HMGXB4: variants seen among roughly 807,000 people sequenced by gnomAD.
HMGXB4 encodes the protein HMG domain-containing protein 4.
A neutral mutation model predicts 63.9 loss-of-function variants in HMGXB4; 27 were observed. The ratio of observed to expected loss-of-function variants is 0.42; its 90% CI spans 0.31 to 0.58. The LOEUF (loss-of-function observed/expected upper bound fraction) is 0.58. HMGXB4 is among the 20% of genes least tolerant of loss of function. The probability of loss-of-function intolerance (pLI) is 0.13; values close to 1 mark genes in which losing one functional copy is unlikely to be tolerated. For missense variants in HMGXB4, 624 were observed against 700.7 expected (o/e 0.89, Z 1.24); for synonymous variants, 264 against 265.3 (o/e 0.99, Z 0.05).
At chr22:35,290,613 G>T (rs868509921) in intron 9 of HMGXB4, among the ~76,000 whole-genome samples, 2 of 142,704 alleles carry the variant, frequency 1.4e-5, no homozygotes, top group Admixed American at 7.0e-5. Context: ...CCTGGGCGAC[G>T]GAGCGAGACT....
chr22:35,267,095 T>A (rs1923297822), intron 5 of HMGXB4, among the ~76,000 whole-genome samples: 1 of 48,878 alleles, frequency 2.0e-5, no homozygotes, highest in African/African-American at 3.2e-5. Context: ...CTTATATCTA[T>A]CTGTTTATAT....
chr22:35,273,410 A>G (rs958315339), intron 5 of HMGXB4, among the ~76,000 whole-genome samples: 1 of 152,272 alleles, frequency 6.6e-6, no homozygotes, highest in South Asian at 2.1e-4. Context: ...GCCACTTACT[A>G]GGTCTGTTCT....
chr22:35,293,155 G>T (rs374592939), intron 10 of HMGXB4, 41 bp downstream of exon 10: 3 of 1,611,104 alleles, frequency 1.9e-6, no homozygotes, highest in East Asian at 2.2e-5. Flanking sequence ...TCCATTGGGC[G>T]TCAGAGATGC....
intron 1 of HMGXB4, among the ~76,000 whole-genome samples, chr22:35,257,907 A>T (rs1449602723): frequency 6.6e-6 from 1 of 151,918 alleles, no homozygotes; most frequent in African/African-American, 2.4e-5. Flanking sequence ...GGGCGCCGTG[A>T]GGCCGCCGGA....
intron 5 of HMGXB4, among the ~76,000 whole-genome samples, chr22:35,274,250 A>G (rs1923769904): frequency 6.6e-6 from 1 of 152,208 alleles, no homozygotes; most frequent in Admixed American, 6.5e-5. Context: ...TCAGGTGGAA[A>G]ATAGGAGTAG....
At chr22:35,283,917 G>A (rs780049376) in intron 5 of HMGXB4, 45 bp from the exon 6 acceptor site, 7 of 1,428,428 alleles carry the variant, frequency 4.9e-6, no homozygotes, top group Non-Finnish European at 6.9e-6. Flanking sequence ...CTAAACCTGG[G>A]TTCTAATCAA....
chr22:35,265,789 C>CT (rs769959544), intron 5 of HMGXB4, among the ~76,000 whole-genome samples, 186 bp downstream of exon 5: 4,572 of 140,028 alleles, frequency 0.033, 204 homozygotes, highest in African/African-American at 0.098. Flanking sequence ...TAGAAGCAAT[C>CT]TTTTTTTTTT....
the HMGXB4 span, among the ~76,000 whole-genome samples, chr22:35,247,176 G>A: frequency 6.6e-6 from 1 of 152,094 alleles, no homozygotes; most frequent in South Asian, 2.1e-4. Context: ...AGACTGTCTT[G>A]AGCTTTGTTC....
At chr22:35,276,659 T>C (rs973792952) in intron 5 of HMGXB4, among the ~76,000 whole-genome samples, 1 of 152,120 alleles carries the variant, frequency 6.6e-6, no homozygotes, top group South Asian at 2.1e-4. Context: ...AAAGGAGGAT[T>C]TGAAAGAGAG....
chr22:35,270,508 C>G (rs556162154), intron 5 of HMGXB4, among the ~76,000 whole-genome samples: 1 of 152,328 alleles, frequency 6.6e-6, no homozygotes, highest in South Asian at 2.1e-4. Flanking sequence ...TGCCCCTACC[C>G]CTGCCCCAGG....
chr22:35,268,982 T>G (rs1434110581), intron 5 of HMGXB4, among the ~76,000 whole-genome samples: 2 of 152,232 alleles, frequency 1.3e-5, no homozygotes, highest in African/African-American at 4.8e-5. Flanking sequence ...CCATATTACC[T>G]TGCTGTCTTA....
chr22:35,276,213 G>A lies in HMGXB4; in HGVS notation c.1216-7749G>A, dbSNP rs56200858. Among the ~76,000 whole-genome samples the A allele has an allele frequency of 4.2e-3, 646 of 152,300 alleles. 6 individuals carry two copies. The highest frequency in any genetic ancestry group is 0.014 in the African/African-American group (597 of 41,550). ...GAGGCGAACAGTGTAAGTAGTCAGA[G>A]TTTCCCTTGAAAATCCTTTAGAAAG... On this transcript the variant is annotated intron_variant, in intron 5 of 10. Coordinates refer to ENST00000216106, the MANE Select transcript of HMGXB4 (RefSeq NM_001003681.3).
chr22:35,250,989 T>C, the HMGXB4 span, among the ~76,000 whole-genome samples: 1 of 152,096 alleles, frequency 6.6e-6, no homozygotes, highest in Non-Finnish European at 1.5e-5. Context: ...TCCTGTAGCC[T>C]GGGCAGTGGC....
intron 6 of HMGXB4, among the ~76,000 whole-genome samples, chr22:35,285,017 C>T (rs1924479928): frequency 6.6e-6 from 1 of 152,210 alleles, no homozygotes; most frequent in Non-Finnish European, 1.5e-5. Context: ...TGGTTCTAAT[C>T]ATTCAGAAAT....
At position 35,285,985 on chromosome 22, in the gene HMGXB4, C is replaced by G; in HGVS notation, c.1298-12C>G. ...CCTTTACTGTATTGAGTGTTTTACT[C>G]TTTTATGCCAGATTTTGGGGAACTT... On this transcript the variant is annotated splice_polypyrimidine_tract_variant and intron_variant, in intron 6 of 10. Transcript: ENST00000216106. 6.2e-7 allele frequency: 1 copy of G among 1,603,452 alleles called. No individual in the cohort carries two copies. Among genetic ancestry groups the G allele is most frequent in the Non-Finnish European group, 8.5e-7 (1 of 1,175,284 alleles).
At chr22:35,267,460 A>G (rs919143056) in intron 5 of HMGXB4, among the ~76,000 whole-genome samples, 1 of 152,150 alleles carries the variant, frequency 6.6e-6, no homozygotes, top group Non-Finnish European at 1.5e-5. Context: ...AAGAAGGAGA[A>G]GGTTTCAGTG....
At chr22:35,288,830 A>C (rs1924751130) in intron 9 of HMGXB4, among the ~76,000 whole-genome samples, 1 of 152,256 alleles carries the variant, frequency 6.6e-6, no homozygotes, top group South Asian at 2.1e-4. Context: ...AAATACATAT[A>C]TTCAAAAAAT....
At chr22:35,291,789 A>G (rs1924948196) in intron 9 of HMGXB4, among the ~76,000 whole-genome samples, 1 of 152,224 alleles carries the variant, frequency 6.6e-6, no homozygotes, top group Non-Finnish European at 1.5e-5. Context: ...AAAGAGGTGA[A>G]GTCACTTTCT....
chr22:35,258,170 G>C (rs1922573396), intron 1 of HMGXB4: 1 of 152,260 alleles, frequency 6.6e-6, no homozygotes, highest in African/African-American at 2.4e-5. Context: ...GGTCCTGGGG[G>C]CTGTTTGTGT....
Sources: gnomAD v4.1 joint callset for allele counts (sites outside exome capture counted in the v4.1 genomes callset) on GRCh38, gnomAD v4.1.1 for gene constraint, MANE v1.5 for transcripts, NCBI Gene and HGNC (gene_info 2026-07-23, HGNC 2026-07-21) for gene names.